STOX2: variants seen among roughly 807,000 people sequenced by gnomAD.
The protein encoded by STOX2 is storkhead box 2, also known as storkhead-box protein 2.
STOX2 carries 28 observed loss-of-function variants against 60.9 expected under a neutral mutation model. That is an observed-to-expected ratio of 0.46 (90% confidence interval 0.34 to 0.63). The LOEUF is 0.63. STOX2 is among the 30% of genes least tolerant of loss of function. STOX2 has a pLI of 0.01. For missense variants in STOX2, 1,024 were observed against 1,187.7 expected (o/e 0.86, Z 2.03); for synonymous variants, 472 against 463.9 (o/e 1.02, Z -0.22).
At chr4:183,831,370 C>T (rs539900224) in intron 1 of STOX2, among the ~76,000 whole-genome samples, 2 of 152,224 alleles carry the variant, frequency 1.3e-5, no homozygotes, top group Admixed American at 6.5e-5. Context: ...ACGTTATAAA[C>T]GTTGCCAAAT....
intron 1 of STOX2, among the ~76,000 whole-genome samples, chr4:183,919,025 A>C (rs985562252): frequency 1.3e-5 from 2 of 152,352 alleles, no homozygotes; most frequent in South Asian, 2.1e-4. Context: ...TAACTAAAGA[A>C]AAACCAAAAC....
In STOX2 at chr4:183,940,243, C is replaced by T. The variant is rs567748133; in HGVS notation, c.166+33287C>T. The stretch of plus-strand genomic sequence containing the variant: ...TCTGAAATCAAGACGCCCGGGTTCC[C>T]TGATGTTGATTCATGGTATCTTTCG... On this transcript the variant is annotated intron_variant, in intron 1 of 3. Coordinates refer to ENST00000308497, the MANE Select transcript of STOX2 (RefSeq NM_020225.3). Among the ~76,000 whole-genome samples the T allele has an allele frequency of 5.9e-5, 9 of 152,250 alleles. No homozygotes were observed. In the East Asian group the frequency reaches 1.7e-3, roughly 29 times the overall value.
intron 1 of STOX2, among the ~76,000 whole-genome samples, chr4:183,996,539 T>A (rs1733355325): frequency 6.6e-6 from 1 of 152,196 alleles, no homozygotes; most frequent in Admixed American, 6.5e-5. Context: ...GGTCCGGTAG[T>A]TGGAAGAATT....
chr4:183,892,499 C>G (rs1411880109), intron 1 of STOX2, among the ~76,000 whole-genome samples: 1 of 152,172 alleles, frequency 6.6e-6, no homozygotes, highest in African/African-American at 2.4e-5. Context: ...CCAGGATGGT[C>G]TCGATCTCCT....
intron 1 of STOX2, among the ~76,000 whole-genome samples, chr4:183,858,846 A>G (rs908342868): frequency 1.3e-5 from 2 of 152,164 alleles, no homozygotes; most frequent in South Asian, 2.1e-4. Flanking sequence ...TAGAAATATA[A>G]TACTTTTTTT....
chr4:183,893,606 C>T (rs1741277182), intron 1 of STOX2, among the ~76,000 whole-genome samples: 1 of 151,432 alleles, frequency 6.6e-6, no homozygotes, highest in Admixed American at 6.6e-5. Flanking sequence ...TATTATTTTA[C>T]ATATAAAATA....
chr4:183,860,442 C>CAAAAAAAA (rs35753992), intron 1 of STOX2, among the ~76,000 whole-genome samples: 129 of 120,950 alleles, frequency 1.1e-3, no homozygotes, highest in East Asian at 3.3e-3. Context: ...AAACAAAAAA[C>CAAAAAAAA]AAAAAAAAAA....
chr4:183,848,853 C>T (rs1041750805), intron 1 of STOX2, among the ~76,000 whole-genome samples: 3 of 152,186 alleles, frequency 2.0e-5, no homozygotes, highest in Non-Finnish European at 4.4e-5. Flanking sequence ...TGTGGTGTGT[C>T]GGATGCTGGA....
chr4:183,827,448 T>A (rs1739461216), intron 1 of STOX2, among the ~76,000 whole-genome samples: 1 of 151,738 alleles, frequency 6.6e-6, no homozygotes, highest in Non-Finnish European at 1.5e-5. Flanking sequence ...GCTGGGATCA[T>A]ACCACTGCAC....
At chr4:183,937,144 A>C (rs1270007104) in intron 1 of STOX2, among the ~76,000 whole-genome samples, 1 of 152,228 alleles carries the variant, frequency 6.6e-6, no homozygotes, top group Non-Finnish European at 1.5e-5. Flanking sequence ...AGGTACATTC[A>C]TTGTGCCTTT....
At chr4:183,999,665 T>C (rs1733501600) in intron 1 of STOX2, among the ~76,000 whole-genome samples, 2 of 152,166 alleles carry the variant, frequency 1.3e-5, no homozygotes, top group Non-Finnish European at 1.5e-5. Context: ...CCGAGGCACC[T>C]GTTGGACTCT....
At chr4:183,887,048 C>T (rs1000571349) in intron 1 of STOX2, among the ~76,000 whole-genome samples, 1 of 152,044 alleles carries the variant, frequency 6.6e-6, no homozygotes, top group African/African-American at 2.4e-5. Context: ...TACCTGAGGT[C>T]AGGAGTTCAA....
chr4:184,001,974 A>G lies in STOX2; in HGVS notation c.319+497A>G, dbSNP rs1733613141. ...TACTTACTTTTCTCTTAAATGTTAT[A>G]AAAAGGAGGCAACAGCCCAGCTGCT... On this transcript the variant is annotated intron_variant, in intron 2 of 3. Transcript: ENST00000308497. The surrounding 1 kb of genome is among the most constrained non-coding windows in gnomAD (Gnocchi z 4.2). 6.6e-6 allele frequency among the ~76,000 whole-genome samples: 1 copy of G among 152,202 alleles called. No homozygotes were observed. Among genetic ancestry groups the G allele is most frequent in the Non-Finnish European group, 1.5e-5 (1 of 68,038 alleles).
chr4:183,853,803 AC>A (rs1448153703), intron 1 of STOX2: 1 of 152,162 alleles, frequency 6.6e-6, no homozygotes, highest in African/African-American at 2.4e-5. Context: ...CATTTTACAG[AC>A]CTCTTACAAA....
intron 1 of STOX2, among the ~76,000 whole-genome samples, chr4:183,965,341 T>C (rs1743534164): frequency 6.6e-6 from 1 of 152,334 alleles, no homozygotes; most frequent in East Asian, 1.9e-4. Context: ...TGTGAACCTA[T>C]ATGAAGTGTC....
chr4:183,825,152 AC>A lies in STOX2; in HGVS notation c.364+27101del, dbSNP rs1164201011. Among the ~76,000 whole-genome samples, 1 of 152,106 alleles carries A rather than the reference AC, an allele frequency of 6.6e-6. No individual in the cohort carries two copies. The highest frequency in any genetic ancestry group is 1.5e-5 in the Non-Finnish European group (1 of 68,032). Reference sequence around the variant, plus strand: ...GAGCTAGGACTGAGCATCCAAGGTCACCCCATGGTGTCAGGAGGTCGTGGTG... The same window carrying A: ...GAGCTAGGACTGAGCATCCAAGGTCACCCATGGTGTCAGGAGGTCGTGGTG... On this transcript the variant is annotated intron_variant, in intron 1 of 2. Transcript: ENST00000513034. This position sits in a 1 kb window ranked among gnomAD's most constrained non-coding sequence, Gnocchi z 4.1.
Position 183,862,697 on chromosome 4 carries a change from C to T in STOX2, c.364+64642C>T, listed in dbSNP as rs79315066. On this transcript the variant is annotated intron_variant, in intron 1 of 2. Transcript: ENST00000513034. ...CGGCAGGGTTTACACCCTGAGGGCTCGATACAGGCTTTGGGGGCAAATTGC... is the reference window on the plus strand; with the variant it reads ...CGGCAGGGTTTACACCCTGAGGGCTTGATACAGGCTTTGGGGGCAAATTGC... 9.4e-3 allele frequency among the ~76,000 whole-genome samples: 1,429 copies of T among 152,284 alleles called. 26 individuals are homozygous for T. Among genetic ancestry groups the T allele is most frequent in the African/African-American group, 0.033 (1,369 of 41,566 alleles).
chr4:183,961,416 G>C (rs1240989746), intron 1 of STOX2, among the ~76,000 whole-genome samples: 1 of 151,962 alleles, frequency 6.6e-6, no homozygotes, highest in Admixed American at 6.5e-5. Context: ...CAGCCACCTT[G>C]CTTTATGTGA....
At chr4:184,005,107 A>G (rs746551730) in intron 2 of STOX2, among the ~76,000 whole-genome samples, 8 of 152,256 alleles carry the variant, frequency 5.3e-5, no homozygotes, top group Non-Finnish European at 1.2e-4. Flanking sequence ...AGTGCTTAAC[A>G]TACAGAACAG....
Sources: gnomAD v4.1 joint callset for allele counts (sites outside exome capture counted in the v4.1 genomes callset) on GRCh38, gnomAD v4.1.1 for gene constraint, Gnocchi (gnomAD v3.1) non-coding constraint, MANE v1.5 for transcripts, NCBI Gene and HGNC (gene_info 2026-07-23, HGNC 2026-07-21) for gene names.